GLRA1: variants seen among roughly 807,000 people sequenced by gnomAD.
GLRA1 encodes the protein glycine receptor subunit alpha-1.
In GLRA1, 37 loss-of-function variants were observed where a neutral mutation model predicts 48.3. The observed-to-expected ratio is 0.77, with a 90% CI of 0.59 to 1.01. The LOEUF is 1.01. Among genes scored for constraint, GLRA1 ranks in the 50% least tolerant of loss-of-function variants. The pLI, the probability that GLRA1 is intolerant of heterozygous loss-of-function variation, is 0.00. For missense variants in GLRA1, 427 were observed against 571.0 expected (o/e 0.75, Z 2.57); for synonymous variants, 196 against 210.7 (o/e 0.93, Z 0.60).
At chr5:151,883,425 C>T (rs1045760415) in intron 3 of GLRA1, among the ~76,000 whole-genome samples, 2 of 101,380 alleles carry the variant, frequency 2.0e-5, no homozygotes, top group African/African-American at 7.1e-5. Context: ...TGGCACAGAA[C>T]AAACATTTAT....
chr5:151,866,361 CCA>C (rs1386602800), intron 3 of GLRA1, among the ~76,000 whole-genome samples: 1 of 152,146 alleles, frequency 6.6e-6, no homozygotes, highest in Non-Finnish European at 1.5e-5. Context: ...GATCTGTCCC[CCA>C]CCTCTACCCC....
chr5:151,859,265 C>T (rs1435586747), intron 4 of GLRA1, among the ~76,000 whole-genome samples: 2 of 152,150 alleles, frequency 1.3e-5, no homozygotes, highest in Non-Finnish European at 2.9e-5. Flanking sequence ...GAAGGCTTTG[C>T]CCCTAGCCAA....
chr5:151,851,195 T>C (rs1752899201), intron 7 of GLRA1, among the ~76,000 whole-genome samples, 195 bp downstream of exon 7: 1 of 152,180 alleles, frequency 6.6e-6, no homozygotes, highest in African/African-American at 2.4e-5. Context: ...GTATTGAACA[T>C]AATGTTGAGT....
At position 151,924,730 on chromosome 5, in the gene GLRA1, C is replaced by T. The variant is rs1319919736; in HGVS notation, c.-181G>A. 4.5e-6 allele frequency: 3 copies of T among 663,430 alleles called. No individual in the cohort carries two copies. The highest frequency in any genetic ancestry group is 5.5e-6 in the Non-Finnish European group (2 of 365,066). The allele number at this position is 663,430 out of a possible 1,614,324, so 41.1% of individuals were successfully genotyped here. ...TGGAGCGAGGGGGTCGTAGATACCA[C>T]GGACAGCGGCGGCTGCGAGGCGTTT... On this transcript the variant is annotated 5_prime_UTR_variant, in exon 1 of 9. The change creates a new upstream start codon in the 5' untranslated region. Coordinates refer to ENST00000274576, the MANE Select transcript of GLRA1 (RefSeq NM_000171.4).
At chr5:151,893,286 T>A (rs1305282983) in intron 1 of GLRA1, among the ~76,000 whole-genome samples, 1 of 45,040 alleles carries the variant, frequency 2.2e-5, no homozygotes, top group South Asian at 8.8e-4. Flanking sequence ...CTGCCCAACT[T>A]TCTTTCTTTC....
chr5:151,920,290 C>T (rs887542565), intron 1 of GLRA1, among the ~76,000 whole-genome samples: 2 of 152,120 alleles, frequency 1.3e-5, no homozygotes, highest in African/African-American at 4.8e-5. Flanking sequence ...AAAATTGAGT[C>T]CCCATTAGAG....
At chr5:151,899,787 G>T (rs554894797) in intron 1 of GLRA1, among the ~76,000 whole-genome samples, 1 of 152,290 alleles carries the variant, frequency 6.6e-6, no homozygotes, top group South Asian at 2.1e-4. Context: ...CCTGGGAACA[G>T]AATGTCACAG....
rs1010819420 is a variant in GLRA1 at position 151,871,981 on chromosome 5, C to T, written c.253-11973G>A. ...AAGAACAACAGACGGCTTTCTCTAC[C>T]AGACATAGAAATATAATGAGTCATA... is the stretch of plus-strand genomic sequence containing the variant. On this transcript the variant is annotated intron_variant, in intron 3 of 8. Transcript: ENST00000274576. 1.2e-4 allele frequency among the ~76,000 whole-genome samples: 18 copies of T among 149,612 alleles called. 3 individuals are homozygous for T. Among genetic ancestry groups the T allele is most frequent in the African/African-American group, 4.1e-4 (16 of 39,010 alleles).
chr5:151,850,731 A>T, intron 7 of GLRA1: 5 of 978,658 alleles, frequency 5.1e-6, no homozygotes, highest in South Asian at 1.3e-5. Flanking sequence ...CGGTGACAGA[A>T]GCCCTCATCA....
At chr5:151,859,152 A>C (rs143562291) in intron 4 of GLRA1, among the ~76,000 whole-genome samples, 6 of 152,330 alleles carry the variant, frequency 3.9e-5, no homozygotes, top group African/African-American at 1.4e-4. Flanking sequence ...TGTTATTATT[A>C]CATGTGTAAG....
intron 1 of GLRA1, among the ~76,000 whole-genome samples, chr5:151,905,812 C>T (rs1754460419): frequency 6.6e-6 from 1 of 152,164 alleles, no homozygotes; most frequent in Non-Finnish European, 1.5e-5. Context: ...ACTCACATTG[C>T]CCATGAAATT....
At chr5:151,852,071 C>T (rs566975482) in intron 6 of GLRA1, among the ~76,000 whole-genome samples, 1 of 152,244 alleles carries the variant, frequency 6.6e-6, no homozygotes, top group East Asian at 1.9e-4. Context: ...TTTCCTCATA[C>T]AAGGCAGTTC....
Position 151,924,630 on chromosome 5 carries a change from G to A in GLRA1, c.-81C>T. 4 of 872,598 alleles carry A rather than the reference G, an allele frequency of 4.6e-6. No homozygotes were observed. The highest frequency in any genetic ancestry group is 2.6e-5 in the South Asian group (2 of 76,356). The allele number at this position is 872,598 out of a possible 1,614,324, so 54.1% of individuals were successfully genotyped here. The stretch of plus-strand genomic sequence containing the variant: ...ATTGGCACTTACAAAACCAGAAAGC[G>A]CTATTGCAAAAAATAATCCAGATGT... On this transcript the variant is annotated 5_prime_UTR_variant, in exon 1 of 9. Transcript: ENST00000274576.
intron 1 of GLRA1, among the ~76,000 whole-genome samples, chr5:151,908,274 C>G (rs1754525353): frequency 6.6e-6 from 1 of 152,198 alleles, no homozygotes; most frequent in African/African-American, 2.4e-5. Context: ...ATGTGAGGAT[C>G]CTTCCTTTTC....
At chr5:151,850,112 C>G (rs972530978) in intron 7 of GLRA1, 20 of 1,604,148 alleles carry the variant, frequency 1.2e-5, no homozygotes, top group Non-Finnish European at 1.6e-5. Context: ...ATGGGTACCA[C>G]TTTGGTTGGC....
chr5:151,884,516 T>C (rs1323282820), intron 3 of GLRA1, among the ~76,000 whole-genome samples: 2 of 152,208 alleles, frequency 1.3e-5, no homozygotes, highest in Non-Finnish European at 2.9e-5. Flanking sequence ...TTAATTACCA[T>C]TGGGATTTTA....
chr5:151,897,996 G>A (rs758712958), intron 1 of GLRA1, among the ~76,000 whole-genome samples: 1 of 152,184 alleles, frequency 6.6e-6, no homozygotes, highest in Non-Finnish European at 1.5e-5. Flanking sequence ...GACCTCAGAT[G>A]TTACTTCTAA....
intron 7 of GLRA1, among the ~76,000 whole-genome samples, chr5:151,830,748 A>C (rs781085956): frequency 7.2e-5 from 11 of 152,242 alleles, no homozygotes; most frequent in Non-Finnish European, 1.5e-4. Context: ...TTACGGAATT[A>C]ATTCAGAAAA....
intron 7 of GLRA1, among the ~76,000 whole-genome samples, chr5:151,833,063 A>G (rs1763466282): frequency 6.6e-6 from 1 of 152,222 alleles, no homozygotes; most frequent in Admixed American, 6.5e-5. Context: ...TTCATAAGCA[A>G]AGGAGAAACA....
Sources: gnomAD v4.1 joint callset for allele counts (sites outside exome capture counted in the v4.1 genomes callset) on GRCh38, gnomAD v4.1.1 for gene constraint, MANE v1.5 for transcripts, NCBI Gene and HGNC (gene_info 2026-07-23, HGNC 2026-07-21) for gene names.